Variants in MCHR2 observed in about 807,000 individuals in gnomAD.
The protein encoded by MCHR2 is melanin concentrating hormone receptor 2, also known as melanin-concentrating hormone receptor 2.
In MCHR2, 15 loss-of-function variants were observed where a neutral mutation model predicts 24.8. The ratio of observed to expected loss-of-function variants is 0.60; its 90% confidence interval spans 0.40 to 0.93. MCHR2 has a LOEUF of 0.93. Ranked by LOEUF, MCHR2 falls within the 40% of genes least tolerant of loss-of-function variation. The probability of loss-of-function intolerance (pLI) is 0.00; values close to 1 mark genes in which losing one functional copy is unlikely to be tolerated. For missense variants in MCHR2, 386 were observed against 408.7 expected (o/e 0.94, Z 0.48); for synonymous variants, 151 against 147.6 (o/e 1.02, Z -0.17).
chr6:99,922,001 C>A (rs540756252), intron 5 of MCHR2, among the ~76,000 whole-genome samples: 1 of 152,206 alleles, frequency 6.6e-6, no homozygotes, highest in East Asian at 1.9e-4. Flanking sequence ...GTACACATAT[C>A]ACATTATTTT....
At chr6:99,933,039 C>A (rs1239020587) in intron 5 of MCHR2, among the ~76,000 whole-genome samples, 1 of 147,162 alleles carries the variant, frequency 6.8e-6, no homozygotes, top group Non-Finnish European at 1.5e-5. Flanking sequence ...TTTAGAAATG[C>A]AAATTATTTT....
At position 99,919,331 on chromosome 6, in the gene MCHR2, G is replaced by A. The variant is rs895587843; in HGVS notation, c.*1609C>T. Among the ~76,000 whole-genome samples the A allele has an allele frequency of 2.0e-5, 3 of 152,126 alleles. No homozygotes were observed. The highest frequency in any genetic ancestry group is 2.9e-5 in the Non-Finnish European group (2 of 68,028). On this transcript the variant is annotated 3_prime_UTR_variant, in exon 6 of 6. Coordinates refer to ENST00000281806, the MANE Select transcript of MCHR2 (RefSeq NM_001040179.2). ...AAAATTCTAGAGTAAAATAAATAGG[G>A]TTAAAAATCACGTCTGGGTTGATTC...
At chr6:99,932,920 T>C (rs1480506495) in intron 5 of MCHR2, among the ~76,000 whole-genome samples, 1 of 152,154 alleles carries the variant, frequency 6.6e-6, no homozygotes, top group Non-Finnish European at 1.5e-5. Context: ...TTTTGACAAA[T>C]ATCCTAGGTA....
intron 1 of MCHR2, among the ~76,000 whole-genome samples, chr6:99,976,942 T>C (rs1044829852): frequency 6.6e-6 from 1 of 152,222 alleles, no homozygotes; most frequent in Non-Finnish European, 1.5e-5. Flanking sequence ...ATACATTCCA[T>C]AGCATCAAAA....
At chr6:99,964,075 T>C (rs969966175) in intron 1 of MCHR2, among the ~76,000 whole-genome samples, 24 of 152,092 alleles carry the variant, frequency 1.6e-4, no homozygotes, top group Non-Finnish European at 2.6e-4. Flanking sequence ...AAAAGCACAA[T>C]TGGATACCTT....
chr6:99,962,053 C>T (rs1315460107), intron 1 of MCHR2, among the ~76,000 whole-genome samples: 1 of 151,870 alleles, frequency 6.6e-6, no homozygotes, highest in Non-Finnish European at 1.5e-5. Flanking sequence ...ATCTTTTTAC[C>T]TTTTCACTTA....
At chr6:99,935,929 T>A (rs1011161653) in intron 4 of MCHR2, among the ~76,000 whole-genome samples, 1 of 152,094 alleles carries the variant, frequency 6.6e-6, no homozygotes, top group African/African-American at 2.4e-5. Flanking sequence ...GGTTTTGATT[T>A]GCATTTCTCT....
chr6:99,967,233 C>T (rs371190187), intron 1 of MCHR2, among the ~76,000 whole-genome samples: 34 of 151,804 alleles, frequency 2.2e-4, no homozygotes, highest in African/African-American at 5.1e-4. Flanking sequence ...TTAATGTATT[C>T]TGATTCACAT....
intron 5 of MCHR2, among the ~76,000 whole-genome samples, chr6:99,930,961 C>G (rs1327356381): frequency 1.3e-5 from 2 of 152,120 alleles, no homozygotes; most frequent in African/African-American, 4.8e-5. Context: ...TTTTCCCCAT[C>G]TTTGTGGTTT....
At chr6:99,942,298 C>A (rs1334808903) in intron 4 of MCHR2, among the ~76,000 whole-genome samples, 1 of 152,138 alleles carries the variant, frequency 6.6e-6, no homozygotes, top group African/African-American at 2.4e-5. Flanking sequence ...TCTATGCCCC[C>A]TCCTACCCTC....
At chr6:99,985,922 A>C (rs1251159324) in intron 1 of MCHR2, among the ~76,000 whole-genome samples, 1 of 152,216 alleles carries the variant, frequency 6.6e-6, no homozygotes, top group South Asian at 2.1e-4. Flanking sequence ...CAAACATTGC[A>C]TCTGACAAAG....
chr6:99,992,517 CTCACAGCA>C (rs1489710905), intron 1 of MCHR2, among the ~76,000 whole-genome samples: 2 of 152,196 alleles, frequency 1.3e-5, no homozygotes, highest in Non-Finnish European at 2.9e-5. Flanking sequence ...AATTGGTTCT[CTCACAGCA>C]TCTTGGACCC....
intron 5 of MCHR2, among the ~76,000 whole-genome samples, chr6:99,932,374 G>A (rs1774565089): frequency 6.6e-6 from 1 of 152,164 alleles, no homozygotes; most frequent in East Asian, 1.9e-4. Context: ...TATAGGGATT[G>A]TTACATAGAT....
chr6:99,927,616 C>A (rs1355163417), intron 5 of MCHR2, among the ~76,000 whole-genome samples: 1 of 151,960 alleles, frequency 6.6e-6, no homozygotes, highest in Non-Finnish European at 1.5e-5. Context: ...TGGGAGTTCA[C>A]TCATGATTTG....
At chr6:99,974,944 A>T (rs965363839) in intron 1 of MCHR2, among the ~76,000 whole-genome samples, 77 of 152,260 alleles carry the variant, frequency 5.1e-4, no homozygotes, top group African/African-American at 1.8e-3. Context: ...GTTTTGTCTC[A>T]GAGGAGTACC....
At chr6:99,936,946 C>G (rs946190828) in intron 4 of MCHR2, among the ~76,000 whole-genome samples, 5 of 151,690 alleles carry the variant, frequency 3.3e-5, no homozygotes. Context: ...GAATTGAATA[C>G]TAGGTATTTT....
chr6:99,961,521 C>T (rs1775187765), intron 1 of MCHR2, among the ~76,000 whole-genome samples: 1 of 152,044 alleles, frequency 6.6e-6, no homozygotes, highest in Non-Finnish European at 1.5e-5. Context: ...GAATACTATG[C>T]AGTTATAAAA....
chr6:99,936,769 T>C lies in MCHR2; in HGVS notation c.588-2252A>G, dbSNP rs540133087. On this transcript the variant is annotated intron_variant, in intron 4 of 5. Transcript: ENST00000281806. The stretch of plus-strand genomic sequence containing the variant: ...AGAGAGATTGCATTGAATCTGTACA[T>C]TGCTTTGGGTAGTAGTGTCATTTTA... Among the ~76,000 whole-genome samples the C allele has an allele frequency of 3.9e-5, 6 of 152,114 alleles. No homozygotes were observed. In the South Asian group the frequency reaches 1.0e-3, roughly 26 times the overall value.
intron 2 of MCHR2, among the ~76,000 whole-genome samples, chr6:99,952,804 A>C (rs1774990400): frequency 6.6e-6 from 1 of 152,166 alleles, no homozygotes; most frequent in Non-Finnish European, 1.5e-5. Flanking sequence ...TCTTAGCAAA[A>C]AAATTAAAAC....
Sources: gnomAD v4.1 joint callset for allele counts (sites outside exome capture counted in the v4.1 genomes callset) on GRCh38, gnomAD v4.1.1 for gene constraint, MANE v1.5 for transcripts, NCBI Gene and HGNC (gene_info 2026-07-23, HGNC 2026-07-21) for gene names.